The following ATP9B variants were observed in gnomAD, a reference collection of about 807,000 sequenced individuals.
The protein encoded by ATP9B is probable phospholipid-transporting ATPase IIB.
A neutral mutation model predicts 146.1 loss-of-function variants in ATP9B; 110 were observed. The observed-to-expected ratio is 0.75, with a 90% CI of 0.65 to 0.88. ATP9B has a LOEUF of 0.88. Among genes scored for constraint, ATP9B ranks in the 40% least tolerant of loss-of-function variants. The pLI, the probability that ATP9B is intolerant of heterozygous loss-of-function variation, is 0.00. For missense variants in ATP9B, 1,499 were observed against 1,496.4 expected, an observed-to-expected ratio of 1.00 and a Z score of -0.03; for synonymous variants, 604 against 569.7, an observed-to-expected ratio of 1.06 and a Z score of -0.86.
chr18:79,161,777 C>T (rs1242666726), intron 7 of ATP9B, among the ~76,000 whole-genome samples: 1 of 152,070 alleles, frequency 6.6e-6, no homozygotes, highest in Non-Finnish European at 1.5e-5. Context: ...ACCCGGGAGG[C>T]GGAGCTTGCA....
chr18:79,359,475 G>A lies in ATP9B; in HGVS notation c.3012+13G>A. The A allele has an allele frequency of 6.3e-7, 1 of 1,597,918 alleles. No homozygotes were observed. The highest frequency in any genetic ancestry group is 8.6e-7 in the Non-Finnish European group (1 of 1,165,574). ...GGACCTCACCAAGGTACGGGCCTCA[G>A]GCAAGCTGTCTGCCTCACGACTAGC... On this transcript the variant is annotated intron_variant, in intron 26 of 29. Coordinates refer to ENST00000426216, the MANE Select transcript of ATP9B (RefSeq NM_198531.5).
intron 7 of ATP9B, among the ~76,000 whole-genome samples, chr18:79,161,618 A>T (rs1040061288): frequency 1.3e-5 from 2 of 152,188 alleles, no homozygotes; most frequent in Non-Finnish European, 1.5e-5. Flanking sequence ...GGAGGCCGAG[A>T]TGGGTGGATC....
intron 7 of ATP9B, among the ~76,000 whole-genome samples, chr18:79,175,947 C>G (rs1243289137): frequency 3.3e-5 from 5 of 152,172 alleles, no homozygotes; most frequent in Non-Finnish European, 5.9e-5. Context: ...CAAATTCTCT[C>G]TCCTCCCTCC....
intron 11 of ATP9B, among the ~76,000 whole-genome samples, chr18:79,221,872 A>AATT (rs2095681895): frequency 9.4e-6 from 1 of 105,840 alleles, no homozygotes; most frequent in South Asian, 3.3e-4. Context: ...TCTTTGGCCA[A>AATT]TTTTTTTTTT....
intron 5 of ATP9B, 49 bp from the exon 6 acceptor site, chr18:79,143,753 G>A (rs748095583): frequency 8.5e-7 from 1 of 1,177,978 alleles, no homozygotes; most frequent in Non-Finnish European, 1.2e-6. Flanking sequence ...AGTTGAACTT[G>A]GGTGTGCTGT....
intron 11 of ATP9B, among the ~76,000 whole-genome samples, chr18:79,227,065 T>C (rs1163782630): frequency 6.6e-6 from 1 of 152,198 alleles, no homozygotes; most frequent in African/African-American, 2.4e-5. Flanking sequence ...TTCTCTTTTT[T>C]TGGTGGGCTA....
At chr18:79,069,624 T>C (rs954019916) in intron 1 of ATP9B, 95 bp downstream of exon 1, 9 of 760,464 alleles carry the variant, frequency 1.2e-5, no homozygotes, top group Non-Finnish European at 1.6e-5. Flanking sequence ...CTGGGGTCGC[T>C]ACCGGCGCGC....
intron 11 of ATP9B, among the ~76,000 whole-genome samples, chr18:79,240,949 ACCT>A (rs2095882107): frequency 6.6e-6 from 1 of 152,154 alleles, no homozygotes; most frequent in Non-Finnish European, 1.5e-5. Context: ...CAAACACCTA[ACCT>A]CCTTAGAAGT....
intron 8 of ATP9B, among the ~76,000 whole-genome samples, chr18:79,187,104 A>G (rs1048818011): frequency 6.6e-6 from 1 of 152,188 alleles, no homozygotes; most frequent in Non-Finnish European, 1.5e-5. Flanking sequence ...ATATTTTGGT[A>G]ACATTCTGAG....
chr18:79,353,213 A>G (rs1035546819), intron 25 of ATP9B: 15 of 152,304 alleles, frequency 9.8e-5, no homozygotes, highest in African/African-American at 3.6e-4. Flanking sequence ...GGCAGTTTTT[A>G]TGAAATTAAA....
At chr18:79,089,123 G>C (rs1304730090) in intron 1 of ATP9B, among the ~76,000 whole-genome samples, 2 of 152,250 alleles carry the variant, frequency 1.3e-5, no homozygotes, top group African/African-American at 4.8e-5. Context: ...GGTTGGGAAG[G>C]GAGTGAGGGA....
At chr18:79,130,359 A>G (rs920902626) in intron 5 of ATP9B, among the ~76,000 whole-genome samples, 19 of 152,164 alleles carry the variant, frequency 1.2e-4, no homozygotes, top group African/African-American at 4.1e-4. Context: ...GAGCACACCA[A>G]AGAAACAGTG....
intron 12 of ATP9B, among the ~76,000 whole-genome samples, chr18:79,265,291 A>G (rs2096191048): frequency 6.6e-6 from 1 of 152,132 alleles, no homozygotes; most frequent in Admixed American, 6.6e-5. Context: ...CATGATGTAG[A>G]TGTACCACAT....
intron 9 of ATP9B, among the ~76,000 whole-genome samples, chr18:79,200,138 C>T (rs954613725): frequency 1.3e-5 from 2 of 152,180 alleles, no homozygotes; most frequent in African/African-American, 4.8e-5. Flanking sequence ...GTTTTCACCA[C>T]CGTCACCACA....
chr18:79,126,416 G>A (rs754748106), intron 5 of ATP9B, 41 bp downstream of exon 5: 4 of 1,348,582 alleles, frequency 3.0e-6, no homozygotes, highest in Non-Finnish European at 3.1e-6. Flanking sequence ...TTTGCTTACT[G>A]TAATTATCAT....
chr18:79,143,970 C>T (rs1023238158), intron 6 of ATP9B, 110 bp downstream of exon 6: 10 of 600,530 alleles, frequency 1.7e-5, no homozygotes, highest in African/African-American at 3.8e-5. Context: ...TATTTTGAAT[C>T]ATAATATCCT....
chr18:79,278,212 C>T (rs1217028004), intron 13 of ATP9B, among the ~76,000 whole-genome samples: 1 of 152,142 alleles, frequency 6.6e-6, no homozygotes, highest in Admixed American at 6.5e-5. Context: ...GAGGCAGGAA[C>T]CTGAGGAATG....
At chr18:79,215,285 G>A (rs370233299) in intron 11 of ATP9B, among the ~76,000 whole-genome samples, 1 of 152,116 alleles carries the variant, frequency 6.6e-6, no homozygotes, top group African/African-American at 2.4e-5. Context: ...GTTTGCAGCA[G>A]TAAGTAGAGT....
chr18:79,148,343 A>G (rs1470890210), intron 6 of ATP9B, among the ~76,000 whole-genome samples: 1 of 152,216 alleles, frequency 6.6e-6, no homozygotes, highest in Admixed American at 6.5e-5. Context: ...AAAAAAGTAC[A>G]ATAAAAGAAA....
Sources: allele counts gnomAD v4.1 joint callset (sites outside exome capture counted in the v4.1 genomes callset), GRCh38; gene constraint gnomAD v4.1.1; transcripts MANE v1.5; gene names NCBI Gene and HGNC (gene_info 2026-07-23, HGNC 2026-07-21).